The following SGK1 variants were observed in gnomAD, a reference collection of about 807,000 sequenced individuals.
SGK1 encodes the protein serum/glucocorticoid regulated kinase 1, also known as serine/threonine-protein kinase Sgk1.
SGK1 carries 26 observed loss-of-function variants against 64.2 expected under a neutral mutation model. The ratio of observed to expected loss-of-function variants is 0.40; its 90% CI spans 0.30 to 0.56. The LOEUF is 0.56. Ranked by LOEUF, SGK1 falls within the 20% of genes least tolerant of loss-of-function variation. The pLI is 0.38. For synonymous variants in SGK1, 265 were observed against 239.7 expected, an observed-to-expected ratio of 1.11 and a Z score of -0.98; for missense variants, 519 against 645.6, an observed-to-expected ratio of 0.80 and a Z score of 2.12.
chr6:134,270,516 A>T (rs1482209210), intron 1 of SGK1, among the ~76,000 whole-genome samples: 2 of 148,380 alleles, frequency 1.3e-5, no homozygotes, highest in African/African-American at 4.9e-5. Context: ...CAGATTTTCT[A>T]TTTAAATATT....
chr6:134,202,928 G>T (rs921314567), intron 3 of SGK1, among the ~76,000 whole-genome samples: 2 of 152,150 alleles, frequency 1.3e-5, no homozygotes, highest in African/African-American at 2.4e-5. Flanking sequence ...AAATTTTGAC[G>T]ATGGTCTATG....
chr6:134,182,945 G>T lies in SGK1; in HGVS notation c.362-8359C>A, dbSNP rs183583368. On this transcript the variant is annotated intron_variant, in intron 3 of 13. Coordinates refer to ENST00000367858, the MANE Select transcript of SGK1 (RefSeq NM_001143676.3). ...GGAGAGCAAACCAAAACTAACTCAA[G>T]AAAGTTTTTACTTGCTCGAGGAAAC... Among the ~76,000 whole-genome samples, 4 of 152,334 alleles carry T rather than the reference G, an allele frequency of 2.6e-5. No homozygotes were observed. In the East Asian group the frequency reaches 7.7e-4, roughly 29 times the overall value.
At position 134,226,534 on chromosome 6, in the gene SGK1, A is replaced by T. The variant is rs1016722789; in HGVS notation, c.286-19103T>A. On this transcript the variant is annotated intron_variant, in intron 2 of 13. Coordinates refer to ENST00000367858, the MANE Select transcript of SGK1 (RefSeq NM_001143676.3). Reference sequence around the variant, plus strand: ...GGTGAAACCTTGTCTCTACAAAAAAAGTACAAATAGTTAGCTAGGTGTGGT... The same window carrying T: ...GGTGAAACCTTGTCTCTACAAAAAATGTACAAATAGTTAGCTAGGTGTGGT... Among the ~76,000 whole-genome samples, 3 of 151,882 alleles carry T rather than the reference A, an allele frequency of 2.0e-5. No individual in the cohort carries two copies. In the South Asian group the frequency reaches 6.2e-4, roughly 31 times the overall value.
rs535672208 is a variant in SGK1, at chr6:134,270,014, C to T, written c.70-7866G>A. Among the ~76,000 whole-genome samples, 21 of 147,722 alleles carry T rather than the reference C, an allele frequency of 1.4e-4. 2 individuals are homozygous for T. Among genetic ancestry groups the T allele is most frequent in the East Asian group, 1.2e-3 (5 of 4,032 alleles). ...TCAGCTCACTGCAACCTCCGCCTCC[C>T]GGGTTCAAGCAATTCTCCTGCTTCA... On this transcript the variant is annotated intron_variant, in intron 1 of 13. Coordinates refer to ENST00000367858, the MANE Select transcript of SGK1 (RefSeq NM_001143676.3).
At chr6:134,279,807 G>A (rs909544169) in intron 1 of SGK1, among the ~76,000 whole-genome samples, 6 of 152,090 alleles carry the variant, frequency 3.9e-5, no homozygotes, top group South Asian at 4.1e-4. Context: ...TTCTACATAC[G>A]AATTTGAAAT....
At chr6:134,230,779 C>T (rs546147878) in intron 2 of SGK1, among the ~76,000 whole-genome samples, 10 of 152,188 alleles carry the variant, frequency 6.6e-5, no homozygotes, top group African/African-American at 1.4e-4. Flanking sequence ...TTTCGGAGGC[C>T]GAGGCAGGCA....
chr6:134,297,172 C>T (rs572598068), intron 1 of SGK1: 14 of 679,070 alleles, frequency 2.1e-5, no homozygotes, highest in East Asian at 1.4e-4. Flanking sequence ...CCTGCATAGC[C>T]GCTGGTGGTC....
intron 2 of SGK1, among the ~76,000 whole-genome samples, chr6:134,226,765 A>T (rs115443804): frequency 0.012 from 1,819 of 152,214 alleles, 30 homozygotes; most frequent in African/African-American, 0.042. Context: ...TGTCCAGCCT[A>T]GACTCCAGCT....
Position 134,170,895 on chromosome 6 carries a change from G to A in SGK1, c.1344C>T (p.Val448=). The A allele has an allele frequency of 1.2e-6, 2 of 1,611,914 alleles. No individual in the cohort carries two copies. The highest frequency in any genetic ancestry group is 1.1e-5 in the South Asian group (1 of 90,974). ...KDDFMEIKSH[V]FFSLINWDDL... ...CATCCCAGTTAATTAAGGAGAAGAA[G>A]ACATGACTCTTAATCTCCATCTGTT... The change falls in exon 13 of 14, where the codon GTC becomes GTT. Residue 448 remains valine (V), a synonymous_variant. Transcript: ENST00000367858.
chr6:134,313,186 T>C (rs1401569539), intron 1 of SGK1, among the ~76,000 whole-genome samples: 1 of 152,180 alleles, frequency 6.6e-6, no homozygotes, highest in African/African-American at 2.4e-5. Flanking sequence ...TAAAGAATAA[T>C]GCAAGGAATT....
chr6:134,171,979 G>C (rs1775043059), intron 10 of SGK1: 1 of 685,642 alleles, frequency 1.5e-6, no homozygotes, highest in Non-Finnish European at 2.5e-6. Flanking sequence ...TTATGATGCA[G>C]ATCTTACTTA....
intron 3 of SGK1, among the ~76,000 whole-genome samples, chr6:134,201,026 A>C (rs1051938779): frequency 2.7e-4 from 41 of 152,062 alleles, no homozygotes; most frequent in Middle Eastern, 3.4e-3. Flanking sequence ...AAATGACAAA[A>C]ACATTGTCAT....
intron 2 of SGK1, among the ~76,000 whole-genome samples, chr6:134,247,340 G>A (rs1776539741): frequency 6.6e-6 from 1 of 152,186 alleles, no homozygotes; most frequent in South Asian, 2.1e-4. Flanking sequence ...TGAGGTTAGA[G>A]TAGCAGGCTG....
chr6:134,170,734 A>G lies in SGK1; in HGVS notation c.1413+92T>C, dbSNP rs541863319. The G allele has an allele frequency of 1.1e-4, 99 of 868,152 alleles. No homozygotes were observed. The Admixed American group carries it at 2.0e-3, about 17-fold the overall frequency. The allele number at this position is 868,152 out of a possible 1,614,324, so 53.8% of individuals were successfully genotyped here. ...AGGTTTATGGAGAAAACATCTGCCA[A>G]TGTATTCCTTCCAACCCTCCCCCAG... On this transcript the variant is annotated intron_variant, in intron 13 of 13. Coordinates refer to ENST00000367858, the MANE Select transcript of SGK1 (RefSeq NM_001143676.3).
chr6:134,307,421 T>C (rs1777550013), intron 1 of SGK1, among the ~76,000 whole-genome samples: 1 of 152,186 alleles, frequency 6.6e-6, no homozygotes, highest in Non-Finnish European at 1.5e-5. Flanking sequence ...AGAAATTCAT[T>C]TACAGATTGT....
chr6:134,280,342 A>C (rs1043975949), intron 1 of SGK1, among the ~76,000 whole-genome samples: 10 of 152,180 alleles, frequency 6.6e-5, no homozygotes, highest in Admixed American at 4.6e-4. Flanking sequence ...GCTGTCTTGA[A>C]GGCAAACAGA....
chr6:134,231,467 C>T (rs755216271), intron 2 of SGK1, among the ~76,000 whole-genome samples: 10 of 152,128 alleles, frequency 6.6e-5, no homozygotes, highest in Admixed American at 2.6e-4. Context: ...GGCAAGGGTT[C>T]GGTAATGCTG....
chr6:134,260,367 G>GCCCCCCCC (rs1491556165), intron 2 of SGK1: 9 of 56,794 alleles, frequency 1.6e-4, no homozygotes, highest in Non-Finnish European at 3.2e-4. Flanking sequence ...CCCTGTCCCC[G>GCCCCCCCC]ACCCCCACCC....
chr6:134,292,136 T>C (rs1346139504), intron 1 of SGK1, among the ~76,000 whole-genome samples: 1 of 152,134 alleles, frequency 6.6e-6, no homozygotes, highest in Admixed American at 6.6e-5. Context: ...ACAAATCATT[T>C]TGTAGAAATT....
Sources: allele counts gnomAD v4.1 joint callset (sites outside exome capture counted in the v4.1 genomes callset), GRCh38; gene constraint gnomAD v4.1.1; transcripts MANE v1.5; gene names NCBI Gene and HGNC (gene_info 2026-07-23, HGNC 2026-07-21).